The following MYO5A variants were observed in gnomAD, a reference collection of about 807,000 sequenced individuals.
The protein encoded by MYO5A is myosin VA.
Under a neutral mutation model 249.7 loss-of-function variants are expected in MYO5A, and 98 were observed. The ratio of observed to expected loss-of-function variants is 0.39; its 90% confidence interval spans 0.33 to 0.46. The LOEUF (loss-of-function observed/expected upper bound fraction) is 0.46, where lower values mean the gene tolerates loss of function less well. Ranked by LOEUF, MYO5A falls within the 20% of genes least tolerant of loss-of-function variation. MYO5A has a pLI of 0.98. For synonymous variants in MYO5A, 778 were observed against 810.6 expected, an observed-to-expected ratio of 0.96 and a Z score of 0.68; for missense variants, 1,696 against 2,308.8, an observed-to-expected ratio of 0.73 and a Z score of 5.44.
intron 14 of MYO5A, among the ~76,000 whole-genome samples, chr15:52,387,588 T>C (rs1202259445): frequency 2.0e-5 from 3 of 152,188 alleles, no homozygotes; most frequent in Non-Finnish European, 4.4e-5. Context: ...TCGGTAGCCA[T>C]GAAGTCTCTG....
chr15:52,429,232 GT>G (rs55892384), intron 2 of MYO5A, among the ~76,000 whole-genome samples: 22,877 of 152,070 alleles, frequency 0.15, 1,835 homozygotes, highest in Middle Eastern at 0.22. Context: ...TTTGCTTTTT[GT>G]TTTTTTCTGT....
intron 20 of MYO5A, among the ~76,000 whole-genome samples, chr15:52,372,656 C>T (rs2041187467): frequency 6.6e-6 from 1 of 151,968 alleles, no homozygotes; most frequent in Admixed American, 6.6e-5. Context: ...TGGAAGCTGT[C>T]TAAATAAAAA....
chr15:52,460,512 G>A (rs1429345843), intron 1 of MYO5A, among the ~76,000 whole-genome samples: 3 of 152,202 alleles, frequency 2.0e-5, no homozygotes, highest in Admixed American at 6.5e-5. Flanking sequence ...CAGGTGTGGC[G>A]GCGCGCGCCT....
At chr15:52,327,237 T>C (rs997427739) in intron 36 of MYO5A, among the ~76,000 whole-genome samples, 3 of 152,246 alleles carry the variant, frequency 2.0e-5, no homozygotes, top group African/African-American at 7.2e-5. Flanking sequence ...CTAAATATTG[T>C]TTAGTTCTAA....
Position 52,331,921 on chromosome 15 carries a change from T to G in MYO5A, c.4409-1422A>C, listed in dbSNP as rs555100168. Reference sequence around the variant, plus strand: ...AGTTTTTCATATGCATGATCCAGTATGAAAGCCACGGGACTAACTCTAAAG... The same window carrying G: ...AGTTTTTCATATGCATGATCCAGTAGGAAAGCCACGGGACTAACTCTAAAG... On this transcript the variant is annotated intron_variant, in intron 34 of 41. Transcript: ENST00000399233. The G allele has an allele frequency of 3.9e-4, 368 of 938,526 alleles. 1 individual carries two copies. In the African/African-American group the frequency reaches 6.2e-3, roughly 16 times the overall value. 58.1% of individuals were successfully genotyped at this position (938,526 alleles called of 1,614,324 possible).
At chr15:52,319,027 A>C in intron 39 of MYO5A, 33 bp downstream of exon 39, 2 of 1,612,562 alleles carry the variant, frequency 1.2e-6, no homozygotes, top group South Asian at 1.1e-5. Context: ...GGGCAGCAAA[A>C]AGACACTGTC....
intron 36 of MYO5A, 148 bp from the exon 37 acceptor site, chr15:52,323,592 T>G (rs142606591): frequency 1.6e-6 from 1 of 632,878 alleles, no homozygotes; most frequent in Non-Finnish European, 2.8e-6. Context: ...TGAAGTCTTA[T>G]GTCATTGCTA....
intron 1 of MYO5A, among the ~76,000 whole-genome samples, chr15:52,450,404 C>T (rs186321598): frequency 7.2e-5 from 11 of 151,798 alleles, no homozygotes; most frequent in Admixed American, 3.9e-4. Flanking sequence ...CAGTGGATCA[C>T]GCCTGTAATC....
intron 1 of MYO5A, among the ~76,000 whole-genome samples, chr15:52,483,712 T>C (rs1034477942): frequency 2.0e-5 from 3 of 152,216 alleles, no homozygotes; most frequent in African/African-American, 7.2e-5. Context: ...TTAAAAGATA[T>C]CCTGGCAAGA....
chr15:52,418,557 A>G (rs2043628555), intron 4 of MYO5A, among the ~76,000 whole-genome samples: 1 of 152,192 alleles, frequency 6.6e-6, no homozygotes, highest in South Asian at 2.1e-4. Flanking sequence ...GATGTCAGGA[A>G]AGCCTTTCCA....
chr15:52,455,253 T>C (rs868310302), intron 1 of MYO5A, among the ~76,000 whole-genome samples: 3 of 151,942 alleles, frequency 2.0e-5, no homozygotes, highest in Non-Finnish European at 2.9e-5. Flanking sequence ...CCTACCATAA[T>C]TGAATAATGA....
intron 4 of MYO5A, among the ~76,000 whole-genome samples, chr15:52,420,335 G>A (rs887266298): frequency 4.0e-5 from 6 of 151,058 alleles, no homozygotes; most frequent in South Asian, 4.2e-4. Flanking sequence ...TGACTAGGTC[G>A]TGAGGGCTCT....
At chr15:52,405,220 T>G in intron 9 of MYO5A, 67 bp downstream of exon 9, 1 of 1,195,184 alleles carries the variant, frequency 8.4e-7, no homozygotes. Context: ...ATATTGCTTC[T>G]TTAAACAATC....
chr15:52,364,554 C>A lies in MYO5A; in HGVS notation c.3309G>T (p.Val1103=). Residue 1103 remains valine (V), a splice_region_variant and synonymous_variant, in exon 24 of 42, where the codon GTG becomes GTT. Transcript: ENST00000399233. ...AAAAAAACAAAAGTGTTTGACTCAC[C>A]ACCATAAGGGTCATCTCTTCCTTGA... is the stretch of plus-strand genomic sequence containing the variant. ...DDLKEEMTLM[V]HVPKPGHKRT... 6.2e-7 allele frequency: 1 copy of A among 1,610,248 alleles called. No homozygotes were observed. Among genetic ancestry groups the A allele is most frequent in the Non-Finnish European group, 8.5e-7 (1 of 1,179,044 alleles).
Position 52,509,207 on chromosome 15 carries a change from A to G in MYO5A, c.27+19573T>C, listed in dbSNP as rs111942244. 9.1e-3 allele frequency among the ~76,000 whole-genome samples: 1,385 copies of G among 152,262 alleles called. 17 individuals carry two copies. Among genetic ancestry groups the G allele is most frequent in the African/African-American group, 0.032 (1,321 of 41,548 alleles). ...GGCTTGGATTGAACTCCTGGGCTCA[A>G]GCAATCCACTTGCTTCAGCCTCCCA... On this transcript the variant is annotated intron_variant, in intron 1 of 41. Coordinates refer to ENST00000399233, the MANE Select transcript of MYO5A (RefSeq NM_001382347.1).
intron 1 of MYO5A, among the ~76,000 whole-genome samples, chr15:52,436,158 C>A (rs897360535): frequency 2.6e-5 from 4 of 152,168 alleles, no homozygotes; most frequent in African/African-American, 9.7e-5. Context: ...AAACTCCTAG[C>A]CTCAGAGAGT....
At chr15:52,379,126 C>A (rs2041598557) in intron 18 of MYO5A, among the ~76,000 whole-genome samples, 1 of 152,200 alleles carries the variant, frequency 6.6e-6, no homozygotes, top group South Asian at 2.1e-4. Flanking sequence ...ATTCTCAGGG[C>A]CTGACTCAAA....
intron 40 of MYO5A, among the ~76,000 whole-genome samples, chr15:52,315,524 G>T (rs1185737049): frequency 6.6e-6 from 1 of 151,908 alleles, no homozygotes; most frequent in South Asian, 2.1e-4. Flanking sequence ...ACAGGCACCC[G>T]CCACAATGCC....
chr15:52,441,448 G>A (rs779345806), intron 1 of MYO5A, among the ~76,000 whole-genome samples: 78 of 152,084 alleles, frequency 5.1e-4, no homozygotes, highest in Non-Finnish European at 9.0e-4. Flanking sequence ...GGCCCTTGAT[G>A]GAATATATTC....
Sources: gnomAD v4.1 joint callset for allele counts (sites outside exome capture counted in the v4.1 genomes callset) on GRCh38, gnomAD v4.1.1 for gene constraint, MANE v1.5 for transcripts, NCBI Gene and HGNC (gene_info 2026-07-23, HGNC 2026-07-21) for gene names.